Variants in PDE4B observed in about 807,000 individuals in gnomAD.
PDE4B encodes phosphodiesterase 4B, also known as 3',5'-cyclic-AMP phosphodiesterase 4B.
A neutral mutation model predicts 82.2 loss-of-function variants in PDE4B; 20 were observed. The observed-to-expected ratio is 0.24, with a 90% CI of 0.17 to 0.35. The LOEUF (loss-of-function observed/expected upper bound fraction) is 0.35. Ranked by LOEUF, PDE4B falls within the 10% of genes least tolerant of loss-of-function variation. The pLI is 1.00. For synonymous variants in PDE4B, 320 were observed against 318.9 expected (o/e 1.00, Z -0.04); for missense variants, 655 against 907.2 (o/e 0.72, Z 3.57).
intron 1 of PDE4B, among the ~76,000 whole-genome samples, chr1:65,827,668 A>G (rs1646035226): frequency 6.6e-6 from 1 of 152,166 alleles, no homozygotes; most frequent in Non-Finnish European, 1.5e-5. Flanking sequence ...CAAACAGCCT[A>G]TTCTACATCT....
intron 1 of PDE4B, among the ~76,000 whole-genome samples, chr1:65,802,691 T>C (rs1645707252): frequency 6.6e-6 from 1 of 152,162 alleles, no homozygotes. Context: ...CGGTGTTGTC[T>C]CATAAATTTG....
chr1:66,203,360 C>T (rs1190082145), intron 3 of PDE4B, among the ~76,000 whole-genome samples: 2 of 151,978 alleles, frequency 1.3e-5, no homozygotes, highest in Non-Finnish European at 2.9e-5. Flanking sequence ...ATCTTTGTGG[C>T]ATTCTCTGTA....
chr1:66,242,143 G>A (rs1340565415), intron 3 of PDE4B, among the ~76,000 whole-genome samples: 1 of 152,154 alleles, frequency 6.6e-6, no homozygotes, highest in Non-Finnish European at 1.5e-5. Flanking sequence ...GGACATCTGA[G>A]GGGTCAGGGC....
At chr1:66,098,017 A>G (rs74619746) in intron 3 of PDE4B, among the ~76,000 whole-genome samples, 1 of 152,200 alleles carries the variant, frequency 6.6e-6, no homozygotes, top group Non-Finnish European at 1.5e-5. Flanking sequence ...TACTATGGTG[A>G]TAACTATATA....
rs1655002148 is a variant in PDE4B at position 66,265,944 on chromosome 1, GA to G, written c.585-90del. On this transcript the variant is annotated intron_variant, in intron 6 of 16. Transcript: ENST00000341517. ...TCACTACATAGTTCATTATGACCTG[GA>G]AAAGTCCTCAGTAACCATGAGGGTG... 5.2e-5 allele frequency: 47 copies of G among 895,896 alleles called. No homozygotes were observed. The South Asian group carries it at 6.1e-4, about 12-fold the overall frequency. The allele number at this position is 895,896 out of a possible 1,614,324, so 55.5% of individuals were successfully genotyped here. A position where few individuals can be genotyped will look rare whatever the true frequency, so the allele number is the denominator to read the frequency against.
Position 66,017,917 on chromosome 1 carries a change from T to C in PDE4B, c.281+99082T>C, listed in dbSNP as rs921581803. On this transcript the variant is annotated intron_variant, in intron 3 of 16. Transcript: ENST00000341517. ...TTATTTACTGAGTTGTATGTGGAAA[T>C]TGGAATTAACTGGCACCATTTATTT... Among the ~76,000 whole-genome samples, 3 of 152,262 alleles carry C rather than the reference T, an allele frequency of 2.0e-5. No homozygotes were observed. In the East Asian group the frequency reaches 5.8e-4, roughly 29 times the overall value.
chr1:66,355,699 T>C (rs2102005773), intron 9 of PDE4B, 79 bp downstream of exon 9: 1 of 757,426 alleles, frequency 1.3e-6, no homozygotes. Context: ...AAGGACATCC[T>C]CATGTGAATT....
At chr1:66,029,948 T>C (rs571573945) in intron 3 of PDE4B, among the ~76,000 whole-genome samples, 1 of 152,212 alleles carries the variant, frequency 6.6e-6, no homozygotes, top group East Asian at 1.9e-4. Context: ...AAGTCTAATT[T>C]CAGAAATCTC....
chr1:66,032,375 G>C (rs574972936), intron 3 of PDE4B, among the ~76,000 whole-genome samples: 6 of 152,118 alleles, frequency 3.9e-5, no homozygotes, highest in Non-Finnish European at 8.8e-5. Flanking sequence ...GGAGGCTATA[G>C]TTTATGCTTT....
intron 3 of PDE4B, among the ~76,000 whole-genome samples, chr1:66,043,735 T>C (rs1334490481): frequency 6.6e-6 from 1 of 151,772 alleles, no homozygotes; most frequent in African/African-American, 2.4e-5. Flanking sequence ...CACAAACACT[T>C]GGAACTGTTT....
intron 3 of PDE4B, among the ~76,000 whole-genome samples, chr1:65,957,010 T>C (rs1367140279): frequency 6.6e-6 from 1 of 152,090 alleles, no homozygotes; most frequent in African/African-American, 2.4e-5. Context: ...TTTTCAGATA[T>C]TTATTTGCTC....
intron 3 of PDE4B, among the ~76,000 whole-genome samples, chr1:66,000,100 T>A (rs1203805641): frequency 6.6e-6 from 1 of 152,172 alleles, no homozygotes. Context: ...TACCTCCTAG[T>A]CTGTAGTGCT....
intron 3 of PDE4B, among the ~76,000 whole-genome samples, chr1:66,210,336 G>T (rs780409500): frequency 6.6e-6 from 1 of 152,014 alleles, no homozygotes; most frequent in Non-Finnish European, 1.5e-5. Context: ...AGTGGCTCAC[G>T]CCTGTAATCC....
At chr1:66,037,977 T>G (rs1169194672) in intron 3 of PDE4B, among the ~76,000 whole-genome samples, 3 of 152,106 alleles carry the variant, frequency 2.0e-5, no homozygotes. Flanking sequence ...AAAGGCTTTA[T>G]AGAACTTTTG....
chr1:65,869,827 A>G (rs1295672991), intron 1 of PDE4B, among the ~76,000 whole-genome samples: 1 of 146,934 alleles, frequency 6.8e-6, no homozygotes, highest in Non-Finnish European at 1.5e-5. Context: ...GCACTTTTGT[A>G]TCTTTTAGTA....
intron 7 of PDE4B, among the ~76,000 whole-genome samples, chr1:66,289,749 A>T (rs574991060): frequency 6.6e-6 from 1 of 152,112 alleles, no homozygotes; most frequent in East Asian, 1.9e-4. Flanking sequence ...TCAGATTTCA[A>T]TGTGTAATAA....
chr1:66,345,692 A>G (rs1389158915), intron 8 of PDE4B, among the ~76,000 whole-genome samples: 1 of 152,202 alleles, frequency 6.6e-6, no homozygotes, highest in African/African-American at 2.4e-5. Context: ...AATCCATTAG[A>G]ACCCTGGAAT....
At chr1:65,900,965 C>T (rs929162981) in intron 1 of PDE4B, among the ~76,000 whole-genome samples, 2 of 152,034 alleles carry the variant, frequency 1.3e-5, no homozygotes, top group African/African-American at 4.8e-5. Flanking sequence ...TGCCTGATTG[C>T]TCTGGCTAGG....
At chr1:66,292,090 A>G (rs1657128290) in intron 7 of PDE4B, among the ~76,000 whole-genome samples, 1 of 152,222 alleles carries the variant, frequency 6.6e-6, no homozygotes, top group Non-Finnish European at 1.5e-5. Context: ...AAAGCCCCAG[A>G]TGATTCTTGT....
Sources: gnomAD v4.1 joint callset for allele counts (sites outside exome capture counted in the v4.1 genomes callset) on GRCh38, gnomAD v4.1.1 for gene constraint, MANE v1.5 for transcripts, NCBI Gene and HGNC (gene_info 2026-07-23, HGNC 2026-07-21) for gene names.